The following DNAH1 variants were observed in gnomAD, a reference collection of about 807,000 sequenced individuals.
DNAH1 encodes dynein axonemal heavy chain 1.
DNAH1 carries 327 observed loss-of-function variants against 484.3 expected under a neutral mutation model. That is an observed-to-expected ratio of 0.68 (90% CI 0.62 to 0.74). DNAH1 has a LOEUF of 0.74. Ranked by LOEUF, DNAH1 falls within the 30% of genes least tolerant of loss-of-function variation. The pLI is 0.00. For missense variants in DNAH1, 5,052 were observed against 5,546.8 expected (o/e 0.91, Z 2.83); for synonymous variants, 2,192 against 2,191.9 (o/e 1.00, Z 0.00).
Position 52,332,263 on chromosome 3 carries a change from G to A in DNAH1, c.1155G>A (p.Thr385=), listed in dbSNP as rs141835525. The part of the protein sequence containing the change: ...VVQANALRKN[T]EALLLYNLYV... ...AGGCCAACGCCCTGCGCAAGAACAC[G>A]GAAGCACTGCTGCTCTACAACTTGT... The change falls in exon 8 of 78, where the codon ACG becomes ACA. Residue 385 remains threonine (T), a synonymous_variant. Coordinates refer to ENST00000420323, the MANE Select transcript of DNAH1 (RefSeq NM_015512.5). 1.5e-5 allele frequency: 25 copies of A among 1,614,022 alleles called. No individual in the cohort carries two copies. Among genetic ancestry groups the A allele is most frequent in the African/African-American group, 1.3e-4 (10 of 75,070 alleles).
Position 52,391,172 on chromosome 3 carries a change from C to G in DNAH1, c.9742-7C>G, listed in dbSNP as rs1412976916. ...CTGCAACCCCTTCTTTTCCCCTTCC[C>G]TTACAGGAGAAGGACAATGGGCTGG... On this transcript the variant is annotated splice_polypyrimidine_tract_variant and splice_region_variant and intron_variant, in intron 61 of 77. Coordinates refer to ENST00000420323, the MANE Select transcript of DNAH1 (RefSeq NM_015512.5). 1.1e-5 allele frequency: 17 copies of G among 1,613,756 alleles called. No individual in the cohort carries two copies. In the Admixed American group the frequency reaches 2.7e-4, roughly 25 times the overall value.
At position 52,344,533 on chromosome 3, in the gene DNAH1, G is replaced by C; in HGVS notation, c.1330G>C (p.Asp444His). 2 of 1,614,016 alleles carry C rather than the reference G, an allele frequency of 1.2e-6. No homozygotes were observed. The highest frequency in any genetic ancestry group is 1.7e-6 in the Non-Finnish European group (2 of 1,179,866). ...CAGTCTTGCCAGAGAAGTGAGCCTG[G>C]ACTATGAGCGCAGCATGAACAAGAT... ...LSSLAREVSL[D>H]YERSMNKINF... The change falls in exon 9 of 78, where the codon GAC (aspartate) becomes CAC (histidine). Residue 444 changes from aspartate to histidine, a missense_variant. Physicochemically the swap from Asp to His is moderately conservative, Grantham distance 81. Coordinates refer to ENST00000420323, the MANE Select transcript of DNAH1 (RefSeq NM_015512.5).
At position 52,361,868 on chromosome 3, in the gene DNAH1, T is replaced by C; in HGVS notation, c.4980+102T>C. On this transcript the variant is annotated intron_variant, in intron 30 of 77. Transcript: ENST00000420323. This position sits in a 1 kb window ranked among gnomAD's most constrained non-coding sequence, Gnocchi z 5.6. ...AGAAGCCAGGCGCTAAGGTCCACCC[T>C]GGGTCCAGCCTCTCTTGTCCCGGGG... The C allele has an allele frequency of 7.9e-7, 1 of 1,267,076 alleles. No homozygotes were observed. The highest frequency in any genetic ancestry group is 1.1e-6 in the Non-Finnish European group (1 of 910,952). 78.5% of individuals were successfully genotyped at this position (1,267,076 alleles called of 1,614,324 possible). A position where few individuals can be genotyped will look rare whatever the true frequency, so the allele number is the denominator to read the frequency against.
chr3:52,361,146 C>G lies in DNAH1; in HGVS notation c.4686-18C>G. The G allele has an allele frequency of 2.6e-6, 4 of 1,541,632 alleles. No individual in the cohort carries two copies. Among genetic ancestry groups the G allele is most frequent in the South Asian group, 1.3e-5 (1 of 79,310 alleles). On this transcript the variant is annotated intron_variant, in intron 28 of 77. Transcript: ENST00000420323. The surrounding 1 kb of genome is among the most constrained non-coding windows in gnomAD (Gnocchi z 5.6). The stretch of plus-strand genomic sequence containing the variant: ...CAGGCCATGTGCGGCCCGAGCCCAC[C>G]TCCTCTGTCTCCTGCAGGTGCTACC...
rs747820497 is a variant in DNAH1 at position 52,393,503 on chromosome 3, C to G, written c.10626+18C>G. The G allele has an allele frequency of 1.2e-5, 20 of 1,613,196 alleles. No individual in the cohort carries two copies. The African/African-American group carries it at 2.4e-4, about 19-fold the overall frequency. ...TCAACCAGGTGCTGGCAGAGACACCCAGGACAGACTGCCTGAGGGGTGGCC... is the reference window on the plus strand; with the variant it reads ...TCAACCAGGTGCTGGCAGAGACACCGAGGACAGACTGCCTGAGGGGTGGCC... On this transcript the variant is annotated intron_variant, in intron 66 of 77. Coordinates refer to ENST00000420323, the MANE Select transcript of DNAH1 (RefSeq NM_015512.5).
At chr3:52,356,486 C>T (rs763673482) in intron 21 of DNAH1, 128 bp from the exon 22 acceptor site, 214 of 876,714 alleles carry the variant, frequency 2.4e-4, no homozygotes, top group Middle Eastern at 1.4e-3. Context: ...TCCCTGTAGA[C>T]ACTGGCTTTG....
intron 23 of DNAH1, 44 bp downstream of exon 23, chr3:52,357,779 C>T (rs751484330): frequency 3.8e-6 from 6 of 1,572,828 alleles, no homozygotes; most frequent in Non-Finnish European, 5.2e-6. Flanking sequence ...TGTCTGCCCA[C>T]AAGGCTGAGG....
intron 8 of DNAH1, among the ~76,000 whole-genome samples, chr3:52,343,408 G>T (rs1234525172): frequency 6.6e-6 from 1 of 152,134 alleles, no homozygotes; most frequent in Non-Finnish European, 1.5e-5. Flanking sequence ...ATTCCGGGGT[G>T]TGAAGATGGG....
At chr3:52,378,320 A>G (rs1703691752) in intron 46 of DNAH1, among the ~76,000 whole-genome samples, 1 of 151,770 alleles carries the variant, frequency 6.6e-6, no homozygotes, top group African/African-American at 2.4e-5. Flanking sequence ...GGCCCCGCCC[A>G]GCACTGACCC....
chr3:52,397,171 G>A (rs929677239), intron 73 of DNAH1, 127 bp downstream of exon 73: 2 of 925,388 alleles, frequency 2.2e-6, no homozygotes, highest in Non-Finnish European at 3.2e-6. Context: ...CTTTTCATCA[G>A]TCAATCCATC....
chr3:52,321,962 G>A (rs1348979752), intron 1 of DNAH1, among the ~76,000 whole-genome samples: 1 of 152,200 alleles, frequency 6.6e-6, no homozygotes, highest in Non-Finnish European at 1.5e-5. Flanking sequence ...GTCTAGCAGG[G>A]ATGGGCTGGG....
chr3:52,382,241 G>A (rs934093252), intron 49 of DNAH1, 79 bp from the exon 50 acceptor site: 7 of 1,608,468 alleles, frequency 4.4e-6, no homozygotes, highest in South Asian at 1.1e-5. Flanking sequence ...GGTGGTCAGG[G>A]TAGGGTGTGG....
chr3:52,381,605 G>C lies in DNAH1; in HGVS notation c.7609-35G>C. On this transcript the variant is annotated intron_variant, in intron 48 of 77. Coordinates refer to ENST00000420323, the MANE Select transcript of DNAH1 (RefSeq NM_015512.5). The surrounding 1 kb of genome is among the most constrained non-coding windows in gnomAD (Gnocchi z 4.1). ...ATCGGGGAGACCCTACAGTAAGAGA[G>C]ACCCCGCCTTCCCCATCCTCGCCTT... The C allele has an allele frequency of 6.4e-7, 1 of 1,555,662 alleles. No homozygotes were observed. Among genetic ancestry groups the C allele is most frequent in the Non-Finnish European group, 8.7e-7 (1 of 1,146,902 alleles).
intron 6 of DNAH1, among the ~76,000 whole-genome samples, chr3:52,328,695 C>G (rs1234226460): frequency 1.3e-5 from 2 of 152,274 alleles, no homozygotes; most frequent in African/African-American, 4.8e-5. Flanking sequence ...GGAGGCTCTC[C>G]CATTTCCTGC....
Position 52,353,652 on chromosome 3 carries a change from G to T in DNAH1, c.3480+19G>T. The T allele has an allele frequency of 6.4e-7, 1 of 1,559,090 alleles. No homozygotes were observed. The highest frequency in any genetic ancestry group is 8.7e-7 in the Non-Finnish European group (1 of 1,155,042). ...CGAGCAGGTGGGTAGCCACCAGCGG[G>T]CCCAGCCACTCCAGCCAGGCCCTGC... On this transcript the variant is annotated intron_variant, in intron 20 of 77. Coordinates refer to ENST00000420323, the MANE Select transcript of DNAH1 (RefSeq NM_015512.5). The surrounding 1 kb of genome is among the most constrained non-coding windows in gnomAD (Gnocchi z 5.0).
Position 52,394,896 on chromosome 3 carries a change from G to C in DNAH1, c.10824-19G>C, listed in dbSNP as rs776056632. The C allele has an allele frequency of 2.5e-6, 4 of 1,611,548 alleles. No homozygotes were observed. Among genetic ancestry groups the C allele is most frequent in the Non-Finnish European group, 3.4e-6 (4 of 1,178,648 alleles). On this transcript the variant is annotated intron_variant, in intron 67 of 77. Coordinates refer to ENST00000420323, the MANE Select transcript of DNAH1 (RefSeq NM_015512.5). ...TTCCAACAGGCTGGCTCTCAGGGAGGTGTGGGCCACTGTTGCAGGGAGCCT... is the reference window on the plus strand; with the variant it reads ...TTCCAACAGGCTGGCTCTCAGGGAGCTGTGGGCCACTGTTGCAGGGAGCCT...
At chr3:52,343,700 G>A (rs898716550) in intron 8 of DNAH1, among the ~76,000 whole-genome samples, 1 of 152,136 alleles carries the variant, frequency 6.6e-6, no homozygotes, top group African/African-American at 2.4e-5. Flanking sequence ...GGACTATTCA[G>A]ATGTGGCAGA....
rs1702730449 is a variant in DNAH1, at chr3:52,358,823, C to T, written c.4266+86C>T. The T allele has an allele frequency of 6.6e-7, 1 of 1,524,984 alleles. No homozygotes were observed. Among genetic ancestry groups the T allele is most frequent in the Admixed American group, 2.1e-5 (1 of 48,730 alleles). 94.5% of individuals were successfully genotyped at this position (1,524,984 alleles called of 1,614,324 possible). A position where few individuals can be genotyped will look rare whatever the true frequency, so the allele number is the denominator to read the frequency against. On this transcript the variant is annotated intron_variant, in intron 25 of 77. Coordinates refer to ENST00000420323, the MANE Select transcript of DNAH1 (RefSeq NM_015512.5). The surrounding 1 kb of genome is among the most constrained non-coding windows in gnomAD (Gnocchi z 4.2). Reference sequence around the variant, plus strand: ...CCCCTCCTGCTCTAGCCGGCCTCGTCCTCAGGCTGCAGCCCTGAGGTCCCT... The same window carrying T: ...CCCCTCCTGCTCTAGCCGGCCTCGTTCTCAGGCTGCAGCCCTGAGGTCCCT...
chr3:52,386,067 G>A (rs1704091209), intron 54 of DNAH1, 93 bp from the exon 55 acceptor site: 1 of 1,411,634 alleles, frequency 7.1e-7, no homozygotes, highest in Non-Finnish European at 9.5e-7. Context: ...GGCCCTTGGA[G>A]AACAGGGCAC....
Sources: gnomAD v4.1 joint callset for allele counts (sites outside exome capture counted in the v4.1 genomes callset) on GRCh38, gnomAD v4.1.1 for gene constraint, Gnocchi (gnomAD v3.1) non-coding constraint, MANE v1.5 for transcripts, NCBI Gene and HGNC (gene_info 2026-07-23, HGNC 2026-07-21) for gene names.